MAF: variants seen among roughly 807,000 people sequenced by gnomAD.
MAF encodes the protein MAF bZIP transcription factor, also known as transcription factor Maf.
MAF carries 10 observed loss-of-function variants against 22.0 expected under a neutral mutation model. The ratio of observed to expected loss-of-function variants is 0.45; its 90% confidence interval spans 0.28 to 0.77. The LOEUF (loss-of-function observed/expected upper bound fraction) is 0.77. MAF is among the 30% of genes least tolerant of loss of function. The pLI is 0.12. For synonymous variants in MAF, 337 were observed against 255.8 expected (o/e 1.32, Z -3.03); for missense variants, 544 against 548.4 (o/e 0.99, Z 0.08).
the MAF span, among the ~76,000 whole-genome samples, chr16:79,263,433 A>G: frequency 6.6e-6 from 1 of 152,226 alleles, no homozygotes; most frequent in Non-Finnish European, 1.5e-5. Flanking sequence ...CATGTTCTAT[A>G]AAAATCCAAG....
At chr16:79,444,583 C>A in the MAF span, among the ~76,000 whole-genome samples, 1 of 152,282 alleles carries the variant, frequency 6.6e-6, no homozygotes, top group Non-Finnish European at 1.5e-5. Flanking sequence ...AGTGTATTTA[C>A]TCAAGGTCAG....
chr16:79,273,349 CT>C, the MAF span, among the ~76,000 whole-genome samples: 3 of 152,150 alleles, frequency 2.0e-5, no homozygotes, highest in Admixed American at 1.3e-4. Context: ...GGACGTTAGA[CT>C]TTTCATTGCT....
chr16:79,367,499 A>T, the MAF span, among the ~76,000 whole-genome samples: 2 of 152,214 alleles, frequency 1.3e-5, no homozygotes, highest in Non-Finnish European at 2.9e-5. Flanking sequence ...CTTATAGCTT[A>T]GTCCTCTGAT....
At chr16:79,275,229 G>A in the MAF span, among the ~76,000 whole-genome samples, 1 of 152,132 alleles carries the variant, frequency 6.6e-6, no homozygotes, top group African/African-American at 2.4e-5. Context: ...GGTGGTGCAC[G>A]CTTGTAATCC....
the MAF span, among the ~76,000 whole-genome samples, chr16:79,466,772 A>T: frequency 1.3e-5 from 2 of 152,232 alleles, no homozygotes; most frequent in Admixed American, 1.3e-4. Flanking sequence ...CATGGGGAAT[A>T]ATTATCTCAT....
the MAF span, among the ~76,000 whole-genome samples, chr16:79,219,239 C>A: frequency 6.6e-6 from 1 of 152,200 alleles, no homozygotes; most frequent in African/African-American, 2.4e-5. Context: ...TCACCAAGAG[C>A]TTGTCCTGTT....
At chr16:79,273,949 CTTT>C in the MAF span, among the ~76,000 whole-genome samples, 7 of 86,448 alleles carry the variant, frequency 8.1e-5, no homozygotes, top group African/African-American at 2.8e-4. Context: ...TCGTGTCTGC[CTTT>C]TTTTTTTTTT....
chr16:79,464,307 A>C, the MAF span, among the ~76,000 whole-genome samples: 1 of 152,074 alleles, frequency 6.6e-6, no homozygotes, highest in Non-Finnish European at 1.5e-5. Flanking sequence ...CTGTGTAGAG[A>C]TAACTGAGAG....
chr16:79,407,857 G>A, the MAF span, among the ~76,000 whole-genome samples: 1 of 152,026 alleles, frequency 6.6e-6, no homozygotes, highest in African/African-American at 2.4e-5. Context: ...TGTGCTGGTT[G>A]ATGCACTTTT....
the MAF span, among the ~76,000 whole-genome samples, chr16:79,288,598 G>C: frequency 2.6e-5 from 4 of 152,188 alleles, no homozygotes; most frequent in Admixed American, 2.6e-4. Flanking sequence ...AAACCATTAA[G>C]TTTTGGGAAG....
chr16:79,430,380 G>A, the MAF span, among the ~76,000 whole-genome samples: 1 of 152,202 alleles, frequency 6.6e-6, no homozygotes, highest in Non-Finnish European at 1.5e-5. Context: ...GCCACCGCAG[G>A]TGTCAACACC....
the MAF span, among the ~76,000 whole-genome samples, chr16:79,284,192 C>G: frequency 1.3e-5 from 2 of 152,286 alleles, no homozygotes; most frequent in African/African-American, 2.4e-5. Context: ...AGCAAACAAG[C>G]TATGGCAAAC....
the MAF span, among the ~76,000 whole-genome samples, chr16:79,270,665 C>T: frequency 6.6e-6 from 1 of 152,180 alleles, no homozygotes; most frequent in Non-Finnish European, 1.5e-5. Context: ...GAAGTAAATA[C>T]ACTGGTGACA....
chr16:79,491,651 T>A, the MAF span, among the ~76,000 whole-genome samples: 7 of 152,154 alleles, frequency 4.6e-5, no homozygotes, highest in Non-Finnish European at 1.0e-4. Context: ...GACTAACATG[T>A]AACAAAATAA....
At chr16:79,563,559 G>C in the MAF span, among the ~76,000 whole-genome samples, 75 of 150,826 alleles carry the variant, frequency 5.0e-4, no homozygotes, top group African/African-American at 1.8e-3. Flanking sequence ...TTTATAATGA[G>C]TATGCATTGA....
the MAF span, among the ~76,000 whole-genome samples, chr16:79,310,518 C>A: frequency 6.6e-6 from 1 of 152,212 alleles, no homozygotes; most frequent in Non-Finnish European, 1.5e-5. Flanking sequence ...ATTGCTTTCA[C>A]ATCTGGAGTT....
chr16:79,565,743 T>C, the MAF span, among the ~76,000 whole-genome samples: 1 of 152,194 alleles, frequency 6.6e-6, no homozygotes, highest in African/African-American at 2.4e-5. Context: ...CCTTTATAAA[T>C]TACCCAGTCC....
the MAF span, among the ~76,000 whole-genome samples, chr16:79,571,529 AATTTTTT>A: frequency 9.5e-5 from 8 of 84,558 alleles, no homozygotes; most frequent in African/African-American, 3.9e-4. Flanking sequence ...ATCTCAGCGG[AATTTTTT>A]TTTTTTTTTT....
the MAF span, among the ~76,000 whole-genome samples, chr16:79,519,207 A>C: frequency 6.6e-6 from 1 of 152,090 alleles, no homozygotes; most frequent in South Asian, 2.1e-4. Context: ...CAAGCCCCCA[A>C]ACCTGGAGCT....
Sources: allele counts gnomAD v4.1 joint callset (sites outside exome capture counted in the v4.1 genomes callset), GRCh38; gene constraint gnomAD v4.1.1; transcripts MANE v1.5; gene names NCBI Gene and HGNC (gene_info 2026-07-23, HGNC 2026-07-21).